Variants in SRP68 observed in about 807,000 individuals in gnomAD.
The protein encoded by SRP68 is signal recognition particle 68.
A neutral mutation model predicts 82.2 loss-of-function variants in SRP68; 15 were observed. The ratio of observed to expected loss-of-function variants is 0.18; its 90% CI spans 0.12 to 0.28. The LOEUF (loss-of-function observed/expected upper bound fraction) is 0.28. Ranked by LOEUF, SRP68 falls within the 10% of genes least tolerant of loss-of-function variation. The pLI is 1.00. For synonymous variants in SRP68, 261 were observed against 292.6 expected, an observed-to-expected ratio of 0.89 and a Z score of 1.10; for missense variants, 595 against 780.5, an observed-to-expected ratio of 0.76 and a Z score of 2.83.
intron 12 of SRP68, chr17:76,045,091 G>T: frequency 1.9e-6 from 1 of 513,118 alleles, no homozygotes; most frequent in East Asian, 3.4e-5. Context: ...CTGGCCAAAA[G>T]GCAGACATCA....
At chr17:76,062,188 G>C (rs997623784) in intron 4 of SRP68, among the ~76,000 whole-genome samples, 4 of 151,686 alleles carry the variant, frequency 2.6e-5, no homozygotes, top group African/African-American at 9.7e-5. Context: ...TCGGGAGGCT[G>C]AGGCAGGAGA....
Position 76,039,294 on chromosome 17 carries a change from G to C in SRP68, c.*412C>G. The C allele has an allele frequency of 2.2e-6, 1 of 461,292 alleles. No homozygotes were observed. 28.6% of individuals were successfully genotyped at this position (461,292 alleles called of 1,614,324 possible). A position where few individuals can be genotyped will look rare whatever the true frequency, so the allele number is the denominator to read the frequency against. ...CATAGTCATAGATAAACTTCTCAAG[G>C]GCTCCTGGATGCTCACAGCAAGGAT... On this transcript the variant is annotated 3_prime_UTR_variant, in exon 16 of 16. Transcript: ENST00000307877.
chr17:76,039,539 G>C lies in SRP68; in HGVS notation c.*167C>G. ...CAACAGGGTGCTCTCCTGACACGCT[G>C]CTTAAGAACGTGTACAGACACAAGA... On this transcript the variant is annotated 3_prime_UTR_variant, in exon 16 of 16. Coordinates refer to ENST00000307877, the MANE Select transcript of SRP68 (RefSeq NM_014230.4). The C allele has an allele frequency of 1.4e-6, 1 of 702,244 alleles. No individual in the cohort carries two copies. Among genetic ancestry groups the C allele is most frequent in the Admixed American group, 2.4e-5 (1 of 41,586 alleles). The allele number at this position is 702,244 out of a possible 1,614,324, so 43.5% of individuals were successfully genotyped here.
intron 12 of SRP68, chr17:76,044,937 T>A (rs761693817): frequency 1.8e-5 from 3 of 164,770 alleles, no homozygotes; most frequent in Non-Finnish European, 2.6e-5. Flanking sequence ...AGACGGAGTT[T>A]CTCCATGTTG....
At chr17:76,059,475 G>C (rs1458142690) in intron 7 of SRP68, among the ~76,000 whole-genome samples, 1 of 152,188 alleles carries the variant, frequency 6.6e-6, no homozygotes, top group East Asian at 1.9e-4. Context: ...CTGGGAGGTG[G>C]AGGTTGCAGT....
At chr17:76,060,439 G>C in intron 6 of SRP68, 49 bp from the exon 7 acceptor site, 2 of 1,405,034 alleles carry the variant, frequency 1.4e-6, no homozygotes, top group African/African-American at 1.4e-5. Context: ...CTGTTTTCTT[G>C]AGAATCACTA....
intron 8 of SRP68, among the ~76,000 whole-genome samples, chr17:76,056,751 C>G (rs140181604): frequency 9.2e-5 from 14 of 152,334 alleles, no homozygotes; most frequent in Non-Finnish European, 1.8e-4. Context: ...CCTGATGAGG[C>G]AGTAGACTGT....
chr17:76,044,866 C>T (rs971842603), intron 12 of SRP68: 17 of 152,888 alleles, frequency 1.1e-4, no homozygotes, highest in African/African-American at 4.1e-4. Context: ...CCTCAGGCTC[C>T]CAAGGAGCTG....
intron 7 of SRP68, among the ~76,000 whole-genome samples, chr17:76,058,891 T>C (rs1021261041): frequency 6.6e-6 from 1 of 152,182 alleles, no homozygotes; most frequent in Non-Finnish European, 1.5e-5. Context: ...AATGGTTAAA[T>C]AAAACAGACT....
At chr17:76,068,772 T>G (rs1479451095) in intron 2 of SRP68, among the ~76,000 whole-genome samples, 3 of 152,110 alleles carry the variant, frequency 2.0e-5, no homozygotes, top group African/African-American at 4.8e-5. Context: ...GCAGGGAGAA[T>G]TATTTTTTTG....
chr17:76,040,491 G>A lies in SRP68; in HGVS notation c.1601-17C>T, dbSNP rs749202442. 58 of 1,612,096 alleles carry A rather than the reference G, an allele frequency of 3.6e-5. 1 individual carries two copies. The South Asian group carries it at 5.7e-4, about 16-fold the overall frequency. On this transcript the variant is annotated splice_polypyrimidine_tract_variant and intron_variant, in intron 14 of 15. Coordinates refer to ENST00000307877, the MANE Select transcript of SRP68 (RefSeq NM_014230.4). ...CGTTTGCATCTGAAAGTTTCACAGG[G>A]ATTCAGTAAGAACAAGGATTTATAA...
chr17:76,041,801 A>G (rs946761285), intron 13 of SRP68, among the ~76,000 whole-genome samples: 1 of 151,816 alleles, frequency 6.6e-6, no homozygotes, highest in South Asian at 2.1e-4. Context: ...GAAGGCAGAG[A>G]GCTTCTTCTC....
At position 76,065,070 on chromosome 17, in the gene SRP68, T is replaced by A. The variant is rs1312146200; in HGVS notation, c.366-899A>T. On this transcript the variant is annotated intron_variant, in intron 3 of 15. Coordinates refer to ENST00000307877, the MANE Select transcript of SRP68 (RefSeq NM_014230.4). ...GTCGTTAACTACTTTATTATTATAC[T>A]GGTGAATCTTTCTTTACTGCCTTGA... Among the ~76,000 whole-genome samples, 3 of 152,102 alleles carry A rather than the reference T, an allele frequency of 2.0e-5. No individual in the cohort carries two copies. In the East Asian group the frequency reaches 5.8e-4, roughly 29 times the overall value.
Position 76,061,512 on chromosome 17 carries a change from A to G in SRP68, c.624T>C (p.Ile208=), listed in dbSNP as rs1359082029. 6.2e-7 allele frequency: 1 copy of G among 1,613,780 alleles called. No individual in the cohort carries two copies. The highest frequency in any genetic ancestry group is 8.5e-7 in the Non-Finnish European group (1 of 1,179,980). ...CTTACTTGCATTTGTTAAAAGCCTC[A>G]ATGGCAGCTTTCCATTCTTGATGTT... The part of the protein sequence containing the change: ...RFEHQEWKAA[I]EAFNKCKTIY... The change falls in exon 5 of 16, where the codon ATT becomes ATC. Residue 208 remains isoleucine (I), a synonymous_variant. Transcript: ENST00000307877.
chr17:76,050,524 A>G lies in SRP68; in HGVS notation c.981T>C (p.Ala327=). 6.2e-7 allele frequency: 1 copy of G among 1,611,502 alleles called. No homozygotes were observed. The highest frequency in any genetic ancestry group is 1.7e-4 in the Middle Eastern group (1 of 6,058). The part of the protein sequence containing the change: ...LADNEAAIVQ[A]ESEETKERLF... The stretch of plus-strand genomic sequence containing the variant: ...GGCGCTCCTTAGTTTCTTCGCTTTC[A>G]GCCTAAACAAGGGCAGATCAAAGTA... Residue 327 remains alanine (A), a splice_region_variant and synonymous_variant, in exon 9 of 16, where the codon GCT becomes GCC. Coordinates refer to ENST00000307877, the MANE Select transcript of SRP68 (RefSeq NM_014230.4).
chr17:76,060,461 G>T, intron 6 of SRP68, 71 bp from the exon 7 acceptor site: 1 of 1,089,944 alleles, frequency 9.2e-7, no homozygotes, highest in Non-Finnish European at 1.4e-6. Flanking sequence ...ATTCAACTCA[G>T]ACTTAAAGAG....
At chr17:76,050,582 T>C in intron 8 of SRP68, 56 bp from the exon 9 acceptor site, 1 of 1,408,200 alleles carries the variant, frequency 7.1e-7, no homozygotes, top group Admixed American at 1.7e-5. Flanking sequence ...CATAGTCACC[T>C]AATGGGAGAG....
At chr17:76,048,836 TGA>T (rs1362170591) in intron 9 of SRP68, 1 of 152,248 alleles carries the variant, frequency 6.6e-6, no homozygotes. Context: ...TTACATTCTG[TGA>T]GGTGTCTCCC....
chr17:76,048,961 G>T (rs760758540), intron 9 of SRP68: 1 of 152,220 alleles, frequency 6.6e-6, no homozygotes, highest in African/African-American at 2.4e-5. Context: ...ACGGGGCAAG[G>T]AAGCAGGTGA....
Sources: allele counts gnomAD v4.1 joint callset (sites outside exome capture counted in the v4.1 genomes callset), GRCh38; gene constraint gnomAD v4.1.1; transcripts MANE v1.5; gene names NCBI Gene and HGNC (gene_info 2026-07-23, HGNC 2026-07-21).